The following FHL1 variants were observed in gnomAD, a reference collection of about 807,000 sequenced individuals.
The protein encoded by FHL1 is four and a half LIM domains 1.
Under a neutral mutation model 20.3 loss-of-function variants are expected in FHL1, and 1 was observed. The ratio of observed to expected loss-of-function variants is 0.05; its 90% CI spans 0.02 to 0.23. The LOEUF is 0.23. FHL1 is among the 10% of genes least tolerant of loss of function. The pLI, the probability that FHL1 is intolerant of heterozygous loss-of-function variation, is 1.00. For synonymous variants in FHL1, 82 were observed against 88.9 expected, an observed-to-expected ratio of 0.92 and a Z score of 0.44; for missense variants, 177 against 234.0, an observed-to-expected ratio of 0.76 and a Z score of 1.59.
chrX:136,169,163 C>G (rs1224787731), upstream of FHL1: 1 of 113,645 alleles, frequency 8.8e-6, no homozygotes, highest in Non-Finnish European at 1.8e-5. Flanking sequence ...CCAGTCCTTT[C>G]TGAATAAAGG....
At chrX:136,149,762 C>T (rs747293511) in intron 1 of FHL1, among the ~76,000 whole-genome samples, 2 of 111,158 alleles carry the variant, frequency 1.8e-5, no homozygotes, top group East Asian at 5.6e-4. Context: ...TTAAATGAAT[C>T]GACCGCTAAA....
intron 1 of FHL1, among the ~76,000 whole-genome samples, chrX:136,157,507 G>A (rs1339373163): frequency 9.0e-6 from 1 of 111,660 alleles, no homozygotes; most frequent in African/African-American, 3.3e-5. Context: ...TCCAATTAAA[G>A]CCTCCAATTT....
intron 1 of FHL1, among the ~76,000 whole-genome samples, chrX:136,156,870 G>T (rs1253915066): frequency 9.0e-6 from 1 of 110,645 alleles, no homozygotes; most frequent in Non-Finnish European, 1.9e-5. Flanking sequence ...GCGTCATTCT[G>T]GTTTGGGAAG....
At chrX:136,192,088 A>C (rs928083311), upstream of FHL1, among the ~76,000 whole-genome samples, 3 of 112,661 alleles carry the variant, frequency 2.7e-5, no homozygotes, top group Non-Finnish European at 5.6e-5. Flanking sequence ...CAGTTTCCTG[A>C]AACATTTATT....
At position 136,209,244 on chromosome X, in the gene FHL1, G is replaced by A; in HGVS notation, c.736+603G>A. The A allele has an allele frequency of 4.2e-6, 5 of 1,203,821 alleles. No individual in the cohort carries two copies. The Admixed American group carries it at 6.9e-5, about 17-fold the overall frequency. Reference sequence around the variant, plus strand: ...TGAGAAGACTTTTGCCATCCTCAGGGAAAAGGACTGTGTCAAGAGTGAGCC... The same window carrying A: ...TGAGAAGACTTTTGCCATCCTCAGGAAAAAGGACTGTGTCAAGAGTGAGCC... On this transcript the variant is annotated intron_variant, in intron 5 of 5. Transcript: ENST00000370683.
At chrX:136,199,662 C>T (rs1165203553) in intron 1 of FHL1, among the ~76,000 whole-genome samples, 1 of 112,579 alleles carries the variant, frequency 8.9e-6, no homozygotes, top group Non-Finnish European at 1.9e-5. Context: ...TGTGGAGTCA[C>T]TAATGTACTG....
intron 1 of FHL1, among the ~76,000 whole-genome samples, chrX:136,151,484 A>G (rs1168375677): frequency 1.8e-5 from 2 of 111,988 alleles, no homozygotes; most frequent in African/African-American, 6.5e-5. Flanking sequence ...GGCTGAGGCA[A>G]GCGGATCACT....
chrX:136,183,235 A>T (rs1368836626), intron 2 of FHL1, among the ~76,000 whole-genome samples: 2 of 111,979 alleles, frequency 1.8e-5, no homozygotes, highest in African/African-American at 3.2e-5. Context: ...AGCGTGAATT[A>T]AAAATAAATT....
intron 1 of FHL1, among the ~76,000 whole-genome samples, chrX:136,153,829 T>G (rs1055003152): frequency 8.9e-6 from 1 of 111,796 alleles, no homozygotes; most frequent in Non-Finnish European, 1.9e-5. Context: ...GTGTGTTATT[T>G]TTTTTTAAAT....
chrX:136,175,026 C>CATTAAA (rs2072966094), intron 2 of FHL1, among the ~76,000 whole-genome samples: 1 of 111,823 alleles, frequency 8.9e-6, no homozygotes, highest in South Asian at 3.7e-4. Flanking sequence ...AAAAGCACAC[C>CATTAAA]AGGAAAAATC....
At chrX:136,188,468 G>C (rs891437422) in intron 2 of FHL1, among the ~76,000 whole-genome samples, 1 of 111,269 alleles carries the variant, frequency 9.0e-6, no homozygotes, top group Admixed American at 9.6e-5. Flanking sequence ...AGGGTTTAGG[G>C]AGCCTATTAT....
intron 2 of FHL1, among the ~76,000 whole-genome samples, chrX:136,187,473 G>A (rs1437150942): frequency 1.8e-5 from 2 of 112,446 alleles, no homozygotes; most frequent in Admixed American, 1.9e-4. Flanking sequence ...CAGCCATAAA[G>A]AGAACTGAAG....
chrX:136,153,710 A>T (rs1241027637), intron 1 of FHL1, among the ~76,000 whole-genome samples: 2 of 112,619 alleles, frequency 1.8e-5, no homozygotes, highest in Non-Finnish European at 3.7e-5. Context: ...AAAATCAGTC[A>T]TAATCCACCA....
chrX:136,193,173 T>C (rs2073474391), upstream of FHL1, among the ~76,000 whole-genome samples: 1 of 111,174 alleles, frequency 9.0e-6, no homozygotes, highest in Non-Finnish European at 1.9e-5. Context: ...CCCCTGGCCA[T>C]GACTAATGGC....
At chrX:136,166,069 T>C (rs1180178749), upstream of FHL1, among the ~76,000 whole-genome samples, 2 of 112,148 alleles carry the variant, frequency 1.8e-5, no homozygotes, top group Non-Finnish European at 3.8e-5. Context: ...TGCACAATGT[T>C]GTCAACGTAA....
upstream of FHL1, among the ~76,000 whole-genome samples, chrX:136,194,530 G>C (rs1478825394): frequency 9.0e-6 from 1 of 111,673 alleles, no homozygotes; most frequent in Non-Finnish European, 1.9e-5. Context: ...GATACTGCTA[G>C]AGTGTGAGAC....
At position 136,210,273 on chromosome X, in the gene FHL1, G is replaced by A. The variant is rs756932940; in HGVS notation, c.*248G>A. 2.1e-5 allele frequency: 10 copies of A among 482,480 alleles called. No homozygotes were observed. The highest frequency in any genetic ancestry group is 3.0e-5 in the Non-Finnish European group (8 of 270,393). 39.8% of individuals were successfully genotyped at this position (482,480 alleles called of 1,213,427 possible). A position where few individuals can be genotyped will look rare whatever the true frequency, so the allele number is the denominator to read the frequency against. On this transcript the variant is annotated 3_prime_UTR_variant, in exon 6 of 6. Transcript: ENST00000370683. ...GCTGCAATTTAAAAATGAAAACTTAGGTAGATTGACTCTTCTGCATGTTTC... is the reference window on the plus strand; with the variant it reads ...GCTGCAATTTAAAAATGAAAACTTAAGTAGATTGACTCTTCTGCATGTTTC...
chrX:136,199,894 G>T (rs1376647402), intron 1 of FHL1, among the ~76,000 whole-genome samples: 2 of 111,426 alleles, frequency 1.8e-5, no homozygotes, highest in Non-Finnish European at 3.8e-5. Context: ...GAAAATACAT[G>T]TAAAAACACA....
rs1603245593 is a variant in FHL1 at position 136,160,644 on chromosome X, C to T, written c.-100-9263C>T. 6.3e-5 allele frequency among the ~76,000 whole-genome samples: 7 copies of T among 111,981 alleles called. 2 individuals carry two copies. In the Admixed American group the frequency reaches 6.6e-4, roughly 11 times the overall value. On this transcript the variant is annotated intron_variant, in intron 1 of 7. Transcript: ENST00000394155. The stretch of plus-strand genomic sequence containing the variant: ...CTCGCTATATTGTCCAGGCTGGTCT[C>T]AAACTCATGGCTTGTTTAGCTTATT...
Sources: allele counts gnomAD v4.1 joint callset (sites outside exome capture counted in the v4.1 genomes callset), GRCh38; gene constraint gnomAD v4.1.1; transcripts MANE v1.5; gene names NCBI Gene and HGNC (gene_info 2026-07-23, HGNC 2026-07-21).